SLC24A2: variants seen among roughly 807,000 people sequenced by gnomAD.
SLC24A2 encodes the protein solute carrier family 24 member 2, also known as sodium/potassium/calcium exchanger 2.
SLC24A2 carries 36 observed loss-of-function variants against 62.0 expected under a neutral mutation model. The ratio of observed to expected loss-of-function variants is 0.58; its 90% confidence interval spans 0.44 to 0.77. The LOEUF is 0.77. SLC24A2 is among the 30% of genes least tolerant of loss of function. The probability of loss-of-function intolerance (pLI) is 0.00; values close to 1 mark genes in which losing one functional copy is unlikely to be tolerated. For missense variants in SLC24A2, 846 were observed against 817.9 expected (o/e 1.03, Z -0.42); for synonymous variants, 358 against 294.0 (o/e 1.22, Z -2.23).
chr9:19,902,856 A>G, the SLC24A2 span, among the ~76,000 whole-genome samples: 1 of 152,220 alleles, frequency 6.6e-6, no homozygotes. Flanking sequence ...GGTTACAGAT[A>G]TAACATATTT....
At chr9:20,121,609 C>T in the SLC24A2 span, among the ~76,000 whole-genome samples, 4 of 152,098 alleles carry the variant, frequency 2.6e-5, no homozygotes, top group East Asian at 3.9e-4. Context: ...TCTGAAGAAA[C>T]GTGTTATAAG....
At chr9:20,004,541 C>G in the SLC24A2 span, among the ~76,000 whole-genome samples, 1 of 152,294 alleles carries the variant, frequency 6.6e-6, no homozygotes, top group South Asian at 2.1e-4. Context: ...CCTAAAGACT[C>G]TCATTTTGTT....
At chr9:19,567,556 AAAAAAAAAG>A (rs1437381575) in intron 7 of SLC24A2, among the ~76,000 whole-genome samples, 3 of 123,838 alleles carry the variant, frequency 2.4e-5, no homozygotes, top group Non-Finnish European at 3.4e-5. Flanking sequence ...AAAAAAAAAA[AAAAAAAAAG>A]GTAAGGAATA....
chr9:19,942,631 C>T, the SLC24A2 span, among the ~76,000 whole-genome samples: 82 of 152,286 alleles, frequency 5.4e-4, no homozygotes, highest in African/African-American at 1.9e-3. Flanking sequence ...CAATTGCCAT[C>T]TCAGATGAGT....
chr9:20,214,140 C>T, the SLC24A2 span, among the ~76,000 whole-genome samples: 3 of 152,120 alleles, frequency 2.0e-5, no homozygotes, highest in East Asian at 1.9e-4. Flanking sequence ...ACCTTGACTA[C>T]TATGAATAGT....
intron 2 of SLC24A2, among the ~76,000 whole-genome samples, chr9:19,751,524 C>T (rs531724881): frequency 6.6e-6 from 1 of 152,164 alleles, no homozygotes; most frequent in East Asian, 1.9e-4. Flanking sequence ...TTTTACTGTG[C>T]AGCCAGCCTT....
At chr9:20,209,218 C>T in the SLC24A2 span, among the ~76,000 whole-genome samples, 1 of 152,212 alleles carries the variant, frequency 6.6e-6, no homozygotes, top group Admixed American at 6.5e-5. Flanking sequence ...GGCTTCAAGA[C>T]CAGCTTAACT....
intron 4 of SLC24A2, among the ~76,000 whole-genome samples, chr9:19,601,580 T>A (rs1470323244): frequency 6.6e-6 from 1 of 152,148 alleles, no homozygotes; most frequent in East Asian, 1.9e-4. Flanking sequence ...TCTGGATACA[T>A]TTTTACTGTG....
chr9:20,100,156 C>T, the SLC24A2 span, among the ~76,000 whole-genome samples: 21 of 151,984 alleles, frequency 1.4e-4, no homozygotes, highest in Non-Finnish European at 2.2e-4. Flanking sequence ...GGATGGCAGG[C>T]GCATGCCACT....
chr9:19,589,896 C>T (rs938107266), intron 5 of SLC24A2, among the ~76,000 whole-genome samples: 1 of 152,172 alleles, frequency 6.6e-6, no homozygotes, highest in African/African-American at 2.4e-5. Context: ...ATTATCTGAA[C>T]ACTCTTTGGG....
At chr9:19,980,878 G>C in the SLC24A2 span, among the ~76,000 whole-genome samples, 1 of 152,288 alleles carries the variant, frequency 6.6e-6, no homozygotes, top group Non-Finnish European at 1.5e-5. Context: ...AGTGAAGGAA[G>C]CCTCTGTATA....
chr9:19,597,369 G>A (rs1368579405), intron 4 of SLC24A2, 90 bp from the exon 5 acceptor site: 5 of 893,640 alleles, frequency 5.6e-6, no homozygotes, highest in Non-Finnish European at 9.4e-6. Context: ...ATCAGATTCA[G>A]AGTTATACTG....
the SLC24A2 span, among the ~76,000 whole-genome samples, chr9:20,103,959 TA>T: frequency 6.6e-6 from 1 of 152,124 alleles, no homozygotes; most frequent in African/African-American, 2.4e-5. Context: ...AAAAAAAATT[TA>T]GAAGAATGTA....
At position 19,755,588 on chromosome 9, in the gene SLC24A2, C is replaced by T. The variant is rs10964272; in HGVS notation, c.930+30349G>A. On this transcript the variant is annotated intron_variant, in intron 2 of 10. Coordinates refer to ENST00000341998, the MANE Select transcript of SLC24A2 (RefSeq NM_020344.4). ...GCAAGAGTTGGCCAGGCCTGTCCAA[C>T]GGTGCTGAAGGATAGAGGAAATCTT... 5.7e-3 allele frequency among the ~76,000 whole-genome samples: 864 copies of T among 152,268 alleles called. 23 individuals are homozygous for T. The South Asian group carries it at 0.065, about 11-fold the overall frequency.
chr9:19,787,786 G>A (rs1274799782), intron 1 of SLC24A2, among the ~76,000 whole-genome samples: 3 of 152,076 alleles, frequency 2.0e-5, no homozygotes, highest in Non-Finnish European at 2.9e-5. Flanking sequence ...GTAAGTCAAA[G>A]AACTCCCAAT....
intron 2 of SLC24A2, among the ~76,000 whole-genome samples, chr9:19,643,034 C>A (rs557379615): frequency 2.8e-5 from 4 of 141,742 alleles, no homozygotes; most frequent in Middle Eastern, 7.6e-3. Flanking sequence ...ATTCATCAAT[C>A]GTCTGCCTTA....
At chr9:19,767,573 G>C (rs1822556535) in intron 2 of SLC24A2, among the ~76,000 whole-genome samples, 1 of 152,092 alleles carries the variant, frequency 6.6e-6, no homozygotes, top group Admixed American at 6.5e-5. Flanking sequence ...CCAACCCCTT[G>C]TGCTTCCCAG....
At chr9:20,123,664 T>C in the SLC24A2 span, among the ~76,000 whole-genome samples, 2 of 152,338 alleles carry the variant, frequency 1.3e-5, no homozygotes, top group Admixed American at 6.5e-5. Flanking sequence ...ACTGAGCTAA[T>C]ATAAGCAAAG....
At chr9:20,277,829 A>G in the SLC24A2 span, among the ~76,000 whole-genome samples, 1 of 152,246 alleles carries the variant, frequency 6.6e-6, no homozygotes, top group African/African-American at 2.4e-5. Context: ...AAGACTTGGA[A>G]CCAACCCGAA....
Sources: gnomAD v4.1 joint callset for allele counts (sites outside exome capture counted in the v4.1 genomes callset) on GRCh38, gnomAD v4.1.1 for gene constraint, MANE v1.5 for transcripts, NCBI Gene and HGNC (gene_info 2026-07-23, HGNC 2026-07-21) for gene names.